ADGRE1: variants seen among roughly 807,000 people sequenced by gnomAD.
The protein encoded by ADGRE1 is EGF-like module receptor 1.
A neutral mutation model predicts 102.7 loss-of-function variants in ADGRE1; 82 were observed. That is an observed-to-expected ratio of 0.80 (90% CI 0.67 to 0.96). The LOEUF (loss-of-function observed/expected upper bound fraction) is 0.96. ADGRE1 is among the 40% of genes least tolerant of loss of function. The pLI is 0.00. For synonymous variants in ADGRE1, 398 were observed against 399.6 expected, an observed-to-expected ratio of 1.00 and a Z score of 0.05; for missense variants, 1,032 against 1,085.3, an observed-to-expected ratio of 0.95 and a Z score of 0.69.
rs1973785489 is a variant in ADGRE1 at position 6,902,115 on chromosome 19, T to C, written c.661+94T>C. On this transcript the variant is annotated intron_variant, in intron 6 of 20. Coordinates refer to ENST00000312053, the MANE Select transcript of ADGRE1 (RefSeq NM_001974.5). ...GGTGGGTCTTGGTTGAGTTTGAGAC[T>C]TTCATCTGCAAATCTGAAGCCAATA... 5.4e-6 allele frequency: 8 copies of C among 1,469,060 alleles called. No homozygotes were observed. In the South Asian group the frequency reaches 9.9e-5, roughly 18 times the overall value. 91.0% of individuals were successfully genotyped at this position (1,469,060 alleles called of 1,614,324 possible).
chr19:6,902,627 G>T (rs1258209845), intron 6 of ADGRE1, among the ~76,000 whole-genome samples: 1 of 152,048 alleles, frequency 6.6e-6, no homozygotes, highest in East Asian at 1.9e-4. Context: ...TTTTAGTAGA[G>T]ACAAGGTTTC....
Position 6,898,719 on chromosome 19 carries a change from A to C in ADGRE1, c.514+1172A>C, listed in dbSNP as rs1214461826. Reference sequence around the variant, plus strand: ...CTATCTCTTTATTATTTACCTGCTTAATTAATTAAGGGTCATCTCACTGGA... The same window carrying C: ...CTATCTCTTTATTATTTACCTGCTTCATTAATTAAGGGTCATCTCACTGGA... On this transcript the variant is annotated intron_variant, in intron 5 of 20. Coordinates refer to ENST00000312053, the MANE Select transcript of ADGRE1 (RefSeq NM_001974.5). 3 of 787,218 alleles carry C rather than the reference A, an allele frequency of 3.8e-6. No individual in the cohort carries two copies. The East Asian group carries it at 7.8e-5, about 20-fold the overall frequency. 48.8% of individuals were successfully genotyped at this position (787,218 alleles called of 1,614,324 possible).
chr19:6,936,254 G>T (rs1423882562), intron 18 of ADGRE1, among the ~76,000 whole-genome samples: 1 of 151,928 alleles, frequency 6.6e-6, no homozygotes, highest in Non-Finnish European at 1.5e-5. Context: ...GGCTAACATG[G>T]TGAAACCCTG....
rs10402513 is a variant in ADGRE1 at position 6,934,476 on chromosome 19, A to T, written c.2290-511A>T. Among the ~76,000 whole-genome samples the T allele has an allele frequency of 3.1e-3, 449 of 143,770 alleles. 3 individuals carry two copies. The highest frequency in any genetic ancestry group is 0.011 in the African/African-American group (425 of 38,562). 94.3% of individuals were successfully genotyped at this position (143,770 alleles called of 152,430 possible). A position where few individuals can be genotyped will look rare whatever the true frequency, so the allele number is the denominator to read the frequency against. ...TTGCTCTGTTGCCAGGCTGGAGTGC[A>T]GTGGCACAATCTCAGCTCACTGCAA... is the stretch of plus-strand genomic sequence containing the variant. On this transcript the variant is annotated intron_variant, in intron 17 of 20. Transcript: ENST00000312053.
chr19:6,937,178 A>T, intron 18 of ADGRE1, 65 bp from the exon 19 acceptor site: 1 of 1,538,454 alleles, frequency 6.5e-7, no homozygotes. Context: ...CCATTCCTGG[A>T]AGTGTGGCCT....
chr19:6,896,278 C>A (rs1973547842), intron 2 of ADGRE1, 120 bp from the exon 3 acceptor site: 1 of 982,658 alleles, frequency 1.0e-6, no homozygotes, highest in East Asian at 2.5e-5. Context: ...TGTAACGTAT[C>A]TTTTGGGAGG....
At position 6,917,727 on chromosome 19, in the gene ADGRE1, G is replaced by A. The variant is rs536179222; in HGVS notation, c.1420+1359G>A. On this transcript the variant is annotated intron_variant, in intron 12 of 20. Transcript: ENST00000312053. ...TGCACTCCAGCCTGGGTGACAGAAT[G>A]AGACTCCATCTCAAAAAAAAAAAAA... Among the ~76,000 whole-genome samples, 234 of 122,838 alleles carry A rather than the reference G, an allele frequency of 1.9e-3. 1 individual carries two copies. Among genetic ancestry groups the A allele is most frequent in the Non-Finnish European group, 3.0e-3 (179 of 60,194 alleles). 80.6% of individuals were successfully genotyped at this position (122,838 alleles called of 152,430 possible).
intron 9 of ADGRE1, 107 bp from the exon 10 acceptor site, chr19:6,908,582 G>A: frequency 1.1e-6 from 1 of 886,860 alleles, no homozygotes; most frequent in Non-Finnish European, 1.7e-6. Context: ...GGAATTCAGA[G>A]CCACCTCATA....
intron 17 of ADGRE1, among the ~76,000 whole-genome samples, chr19:6,933,387 T>G (rs1270885177): frequency 2.2e-5 from 2 of 89,082 alleles, no homozygotes; most frequent in South Asian, 3.0e-4. Context: ...TGTGAAGACT[T>G]TTTTTTTTTT....
At position 6,897,285 on chromosome 19, in the gene ADGRE1, G is replaced by T. The variant is rs202240774; in HGVS notation, c.375G>T (p.Pro125=). The change falls in exon 4 of 21, where the codon CCG becomes CCT. Residue 125 remains proline (P), a synonymous_variant. Transcript: ENST00000312053. ...PTGNDWVPGK[P]GNFSCTDINE... ...GAAATGACTGGGTCCCAGGAAAGCC[G>T]GGCAATTTCTCCTGTACTGGTAATG... 1.2e-6 allele frequency: 2 copies of T among 1,613,810 alleles called. No individual in the cohort carries two copies. The highest frequency in any genetic ancestry group is 3.3e-4 in the Middle Eastern group (2 of 6,062).
chr19:6,896,568 C>A (rs1421673786), intron 3 of ADGRE1, 27 bp downstream of exon 3: 1 of 1,605,758 alleles, frequency 6.2e-7, no homozygotes. Context: ...TCAAACCATC[C>A]AGCATTTGGT....
At chr19:6,902,431 G>T (rs952558641) in intron 6 of ADGRE1, among the ~76,000 whole-genome samples, 5 of 151,234 alleles carry the variant, frequency 3.3e-5, no homozygotes, top group African/African-American at 9.8e-5. Flanking sequence ...TGTTTTTTTG[G>T]GGTTTTTTTG....
chr19:6,904,036 A>T lies in ADGRE1; in HGVS notation c.803A>T (p.Asp268Val). 6.2e-7 allele frequency: 1 copy of T among 1,614,180 alleles called. No homozygotes were observed. The highest frequency in any genetic ancestry group is 8.5e-7 in the Non-Finnish European group (1 of 1,180,024). The change falls in exon 8 of 21, where the codon GAT (aspartate) becomes GTT (valine). Residue 268 changes from aspartate (D) to valine (V), a missense_variant and splice_region_variant. Physicochemically the swap from Asp to Val is radical, Grantham distance 152 (BLOSUM62 -3). Coordinates refer to ENST00000312053, the MANE Select transcript of ADGRE1 (RefSeq NM_001974.5). ...NFTDQGVECRDIDECRQDPST... is the reference protein window; with the variant it reads ...NFTDQGVECRVIDECRQDPST... Reference sequence around the variant, plus strand: ...CTTGATATTCTCCAGTTCTTTGCAGATATTGATGAGTGCCGCCAAGATCCA... The same window carrying T: ...CTTGATATTCTCCAGTTCTTTGCAGTTATTGATGAGTGCCGCCAAGATCCA...
chr19:6,918,040 C>T (rs924337799), intron 12 of ADGRE1, among the ~76,000 whole-genome samples: 2 of 152,004 alleles, frequency 1.3e-5, no homozygotes, highest in Non-Finnish European at 2.9e-5. Flanking sequence ...AGGTTCAAGG[C>T]ACATTAAGGA....
intron 17 of ADGRE1, among the ~76,000 whole-genome samples, chr19:6,932,426 C>G (rs1233263172): frequency 1.3e-5 from 2 of 151,902 alleles, no homozygotes; most frequent in African/African-American, 4.8e-5. Flanking sequence ...CGAGATGGCG[C>G]CACTGCCCTC....
Position 6,913,789 on chromosome 19 carries a change from C to T in ADGRE1, c.1259C>T (p.Pro420Leu). The T allele has an allele frequency of 6.2e-7, 1 of 1,611,268 alleles. No individual in the cohort carries two copies. The highest frequency in any genetic ancestry group is 8.5e-7 in the Non-Finnish European group (1 of 1,178,490). ...ESMTLASFWK[P>L]SANITPAVRT... ...ATGACACTGGCATCTTTTTGGAAAC[C>T]CTCAGCAAATATCACTCCGGCTGTT... The change falls in exon 11 of 21, where the codon CCC becomes CTC. Residue 420 changes from proline (P) to leucine (L), a missense_variant. Coordinates refer to ENST00000312053, the MANE Select transcript of ADGRE1 (RefSeq NM_001974.5).
chr19:6,890,342 C>CT, intron 1 of ADGRE1, 139 bp from the exon 2 acceptor site: 1 of 696,352 alleles, frequency 1.4e-6, no homozygotes. Context: ...TGTTCCTTAA[C>CT]TAGGTTTGTC....
chr19:6,933,563 T>C (rs1975256292), intron 17 of ADGRE1, among the ~76,000 whole-genome samples: 1 of 152,016 alleles, frequency 6.6e-6, no homozygotes, highest in Non-Finnish European at 1.5e-5. Context: ...AATTTTGTAT[T>C]TTTAGTGGAG....
chr19:6,902,401 T>C (rs1400885140), intron 6 of ADGRE1, among the ~76,000 whole-genome samples: 1 of 151,964 alleles, frequency 6.6e-6, no homozygotes, highest in African/African-American at 2.4e-5. Flanking sequence ...CTCTTTTTGT[T>C]TGTTTGTTTG....
Sources: gnomAD v4.1 joint callset for allele counts (sites outside exome capture counted in the v4.1 genomes callset) on GRCh38, gnomAD v4.1.1 for gene constraint, MANE v1.5 for transcripts, NCBI Gene and HGNC (gene_info 2026-07-23, HGNC 2026-07-21) for gene names.